HS6ST3: variants seen among roughly 807,000 people sequenced by gnomAD.
HS6ST3 encodes the protein heparan sulfate 6-O-sulfotransferase 3.
Under a neutral mutation model 36.7 loss-of-function variants are expected in HS6ST3, and 12 were observed. The ratio of observed to expected loss-of-function variants is 0.33; its 90% CI spans 0.21 to 0.53. HS6ST3 has a LOEUF of 0.53. Ranked by LOEUF, HS6ST3 falls within the 20% of genes least tolerant of loss-of-function variation. HS6ST3 has a pLI of 0.95. For missense variants in HS6ST3, 584 were observed against 640.9 expected (o/e 0.91, Z 0.96); for synonymous variants, 240 against 257.5 (o/e 0.93, Z 0.65).
intron 1 of HS6ST3, among the ~76,000 whole-genome samples, chr13:96,584,014 G>A (rs1001261022): frequency 3.3e-5 from 5 of 152,128 alleles, no homozygotes; most frequent in African/African-American, 1.2e-4. Flanking sequence ...GTTGAGAATC[G>A]CTAAAGCAAA....
At chr13:96,423,943 C>T (rs917251330) in intron 1 of HS6ST3, among the ~76,000 whole-genome samples, 2 of 152,144 alleles carry the variant, frequency 1.3e-5, no homozygotes, top group Non-Finnish European at 2.9e-5. Flanking sequence ...TTGGCTGCAA[C>T]AATCCAAATT....
At chr13:96,615,431 G>C (rs2056470656) in intron 1 of HS6ST3, among the ~76,000 whole-genome samples, 1 of 152,216 alleles carries the variant, frequency 6.6e-6, no homozygotes, top group South Asian at 2.1e-4. Flanking sequence ...TTGTTGATCA[G>C]ATGACATGAT....
At chr13:96,381,468 C>T (rs2055341457) in intron 1 of HS6ST3, among the ~76,000 whole-genome samples, 1 of 131,104 alleles carries the variant, frequency 7.6e-6, no homozygotes, top group Non-Finnish European at 1.8e-5. Flanking sequence ...TTTCTTTTGG[C>T]GGTGGGGTTA....
At chr13:96,554,554 A>G (rs182509928) in intron 1 of HS6ST3, among the ~76,000 whole-genome samples, 13 of 152,272 alleles carry the variant, frequency 8.5e-5, no homozygotes, top group East Asian at 1.9e-4. Context: ...TCTGGGCACA[A>G]TCTCCTTATC....
intron 1 of HS6ST3, among the ~76,000 whole-genome samples, chr13:96,730,561 C>T (rs1177419366): frequency 6.6e-6 from 1 of 151,976 alleles, no homozygotes; most frequent in African/African-American, 2.4e-5. Flanking sequence ...GTGTATTTAT[C>T]ATGTACAATG....
chr13:96,750,726 T>G (rs1369172898), intron 1 of HS6ST3, among the ~76,000 whole-genome samples: 1 of 152,186 alleles, frequency 6.6e-6, no homozygotes, highest in Non-Finnish European at 1.5e-5. Flanking sequence ...CTGGAAACTT[T>G]GTCCAATAGG....
intron 1 of HS6ST3, among the ~76,000 whole-genome samples, chr13:96,741,958 G>A (rs1876449618): frequency 1.3e-5 from 2 of 152,124 alleles, no homozygotes; most frequent in African/African-American, 4.8e-5. Context: ...TGCCTTCTAT[G>A]TGATTCATTG....
At chr13:96,274,084 C>A (rs2054735695) in intron 1 of HS6ST3, among the ~76,000 whole-genome samples, 1 of 150,710 alleles carries the variant, frequency 6.6e-6, no homozygotes, top group Non-Finnish European at 1.5e-5. Context: ...TGCTCTGTCC[C>A]CCAGGCTGTA....
At chr13:96,364,624 A>G (rs911457821) in intron 1 of HS6ST3, among the ~76,000 whole-genome samples, 1 of 152,188 alleles carries the variant, frequency 6.6e-6, no homozygotes, top group African/African-American at 2.4e-5. Flanking sequence ...GCTGAGAGTG[A>G]TGGTTTAATG....
chr13:96,282,590 A>G (rs1382832978), intron 1 of HS6ST3, among the ~76,000 whole-genome samples: 1 of 152,194 alleles, frequency 6.6e-6, no homozygotes, highest in Admixed American at 6.5e-5. Flanking sequence ...GGCGTACAAT[A>G]TCTCATTAAA....
At chr13:96,272,580 G>C (rs2054726446) in intron 1 of HS6ST3, among the ~76,000 whole-genome samples, 1 of 151,970 alleles carries the variant, frequency 6.6e-6, no homozygotes, top group Non-Finnish European at 1.5e-5. Context: ...GGGTGGGGGA[G>C]AAAGTTCCAG....
intron 1 of HS6ST3, among the ~76,000 whole-genome samples, chr13:96,713,833 C>A (rs1376602723): frequency 2.0e-5 from 3 of 151,666 alleles, no homozygotes; most frequent in Non-Finnish European, 4.4e-5. Context: ...TTTCAGAAGA[C>A]CTGATAATAA....
At chr13:96,765,622 C>G (rs1280570325) in intron 1 of HS6ST3, among the ~76,000 whole-genome samples, 8 of 137,568 alleles carry the variant, frequency 5.8e-5, no homozygotes, top group Admixed American at 3.6e-4. Context: ...CTCTCTCTCT[C>G]TCTCTCTGTT....
At position 96,198,120 on chromosome 13, in the gene HS6ST3, G is replaced by A. The variant is rs72642914; in HGVS notation, c.707+106551G>A. ...CACCATGTGGAAGCTGCCAAGGCTC[G>A]GGGCTTACACCCTCTGAAGCCACAG... On this transcript the variant is annotated intron_variant, in intron 1 of 1. Transcript: ENST00000376705. Among the ~76,000 whole-genome samples, 783 of 152,292 alleles carry A rather than the reference G, an allele frequency of 5.1e-3. 3 individuals carry two copies. The highest frequency in any genetic ancestry group is 8.4e-3 in the Non-Finnish European group (574 of 68,042).
chr13:96,606,111 A>T (rs1363531310), intron 1 of HS6ST3, among the ~76,000 whole-genome samples: 1 of 152,166 alleles, frequency 6.6e-6, no homozygotes, highest in Non-Finnish European at 1.5e-5. Flanking sequence ...GGGGACACTT[A>T]TACACTGTTG....
At chr13:96,494,188 A>G (rs552732496) in intron 1 of HS6ST3, among the ~76,000 whole-genome samples, 2 of 152,064 alleles carry the variant, frequency 1.3e-5, no homozygotes, top group African/African-American at 2.4e-5. Flanking sequence ...TGTGGCACCT[A>G]TACACCATGG....
intron 1 of HS6ST3, among the ~76,000 whole-genome samples, chr13:96,258,488 A>T (rs1336038863): frequency 6.6e-6 from 1 of 152,220 alleles, no homozygotes; most frequent in African/African-American, 2.4e-5. Flanking sequence ...GATTAATTGT[A>T]TGAGCCCCAA....
At chr13:96,760,478 T>A (rs976309705) in intron 1 of HS6ST3, among the ~76,000 whole-genome samples, 1 of 141,142 alleles carries the variant, frequency 7.1e-6, no homozygotes, top group Admixed American at 7.0e-5. Flanking sequence ...ACATTTACGT[T>A]GTTCTGTAAA....
At chr13:96,326,476 C>A (rs1374510574) in intron 1 of HS6ST3, among the ~76,000 whole-genome samples, 1 of 151,888 alleles carries the variant, frequency 6.6e-6, no homozygotes, top group Admixed American at 6.6e-5. Flanking sequence ...TGGTTCCCAG[C>A]TTCATCCATG....
Sources: gnomAD v4.1 joint callset for allele counts (sites outside exome capture counted in the v4.1 genomes callset) on GRCh38, gnomAD v4.1.1 for gene constraint, MANE v1.5 for transcripts, NCBI Gene and HGNC (gene_info 2026-07-23, HGNC 2026-07-21) for gene names.